ADSS2: variants seen among roughly 807,000 people sequenced by gnomAD.
The protein encoded by ADSS2 is adenylosuccinate synthetase isozyme 2.
Under a neutral mutation model 60.0 loss-of-function variants are expected in ADSS2, and 30 were observed. The observed-to-expected ratio is 0.50, with a 90% CI of 0.37 to 0.68. ADSS2 has a LOEUF of 0.68. Among genes scored for constraint, ADSS2 ranks in the 30% least tolerant of loss-of-function variants. The probability of loss-of-function intolerance (pLI) is 0.00; values close to 1 mark genes in which losing one functional copy is unlikely to be tolerated. For synonymous variants in ADSS2, 187 were observed against 193.1 expected, an observed-to-expected ratio of 0.97 and a Z score of 0.26; for missense variants, 373 against 554.8, an observed-to-expected ratio of 0.67 and a Z score of 3.29.
intron 10 of ADSS2, among the ~76,000 whole-genome samples, chr1:244,417,360 T>A (rs1290252516): frequency 6.6e-6 from 1 of 152,158 alleles, no homozygotes; most frequent in Non-Finnish European, 1.5e-5. Flanking sequence ...TCTGTCCACC[T>A]ATCTGCCTAC....
intron 1 of ADSS2, among the ~76,000 whole-genome samples, chr1:244,441,271 G>A (rs1480170076): frequency 6.6e-6 from 1 of 151,996 alleles, no homozygotes; most frequent in Non-Finnish European, 1.5e-5. Context: ...TGTTAGCCAG[G>A]ATGGTCTCGA....
In ADSS2 at chr1:244,444,514, C is replaced by CA. The variant is rs56001597; in HGVS notation, c.184-6747dup. Among the ~76,000 whole-genome samples the CA allele has an allele frequency of 3.0e-3, 126 of 42,504 alleles. 3 individuals are homozygous for CA. The highest frequency in any genetic ancestry group is 9.8e-3 in the East Asian group (24 of 2,460). The allele number at this position is 42,504 out of a possible 152,430, so 27.9% of individuals were successfully genotyped here. On this transcript the variant is annotated intron_variant, in intron 1 of 12. Coordinates refer to ENST00000366535, the MANE Select transcript of ADSS2 (RefSeq NM_001126.5). ...TGGGCGACAGAGCGAGACTCCATCT[C>CA]AAAAAAAAAAAAAAAAAAAAAAGAT...
chr1:244,436,689 T>C (rs918880883), intron 3 of ADSS2, 136 bp downstream of exon 3: 2 of 621,846 alleles, frequency 3.2e-6, no homozygotes, highest in Non-Finnish European at 5.6e-6. Flanking sequence ...TAAAACTTAA[T>C]AACTGACATT....
Position 244,411,284 on chromosome 1 carries a change from T to C in ADSS2, c.1318+3A>G. On this transcript the variant is annotated splice_donor_region_variant and intron_variant, in intron 12 of 12. Transcript: ENST00000366535. ...AACTTATTCACAAAGTGTTTATGTT[T>C]ACCTGGAATTTGAAGCTCATCTTCA... The C allele has an allele frequency of 6.2e-7, 1 of 1,603,376 alleles. No homozygotes were observed.
chr1:244,439,707 C>T (rs1665190680), intron 1 of ADSS2, among the ~76,000 whole-genome samples: 1 of 152,208 alleles, frequency 6.6e-6, no homozygotes, highest in Non-Finnish European at 1.5e-5. Flanking sequence ...AAGTCCAGCA[C>T]AACACCAGGA....
chr1:244,432,767 C>CCATT lies in ADSS2; in HGVS notation c.356-176_356-173dup, dbSNP rs1211541926. 2.0e-4 allele frequency among the ~76,000 whole-genome samples: 29 copies of CCATT among 147,832 alleles called. 1 individual carries two copies. On this transcript the variant is annotated intron_variant, in intron 3 of 12. Transcript: ENST00000366535. ...CAAGCTCCACCTCCCGGGTTCACTG[C>CCATT]CATTCTCCTGCCTCAGCCTCCCAAG...
At position 244,424,685 on chromosome 1, in the gene ADSS2, ACT is replaced by A. The variant is rs1363109625; in HGVS notation, c.407-300_407-299del. On this transcript the variant is annotated intron_variant, in intron 4 of 12. Transcript: ENST00000366535. ...TTAACAAAGGTCAATTTACAAAAAT[ACT>A]CTTTTTTCTTCAAGTTCTGGACTCC... 8 of 247,238 alleles carry A rather than the reference ACT, an allele frequency of 3.2e-5. No individual in the cohort carries two copies. In the East Asian group the frequency reaches 7.6e-4, roughly 24 times the overall value. 15.3% of individuals were successfully genotyped at this position (247,238 alleles called of 1,614,324 possible). A position where few individuals can be genotyped will look rare whatever the true frequency, so the allele number is the denominator to read the frequency against.
At chr1:244,424,246 C>T (rs1199749986) in intron 5 of ADSS2, 75 bp downstream of exon 5, 7 of 1,438,792 alleles carry the variant, frequency 4.9e-6, no homozygotes, top group East Asian at 2.3e-5. Context: ...TTTTCTTAAA[C>T]TTCTGGTCTA....
At chr1:244,415,550 A>G (rs3127454) in intron 11 of ADSS2, among the ~76,000 whole-genome samples, 128,388 of 152,162 alleles carry the variant, frequency 0.84, 54,231 homozygotes, top group Admixed American at 0.88. Flanking sequence ...TAGAATAAAG[A>G]GCAGAGAAAG....
At chr1:244,422,295 G>A (rs961620435) in intron 7 of ADSS2, among the ~76,000 whole-genome samples, 2 of 152,180 alleles carry the variant, frequency 1.3e-5, no homozygotes, top group Non-Finnish European at 2.9e-5. Context: ...AGAATGAAGA[G>A]GACAGGAATT....
At chr1:244,423,016 A>C (rs1036905023) in intron 6 of ADSS2, 100 bp from the exon 7 acceptor site, 17 of 730,092 alleles carry the variant, frequency 2.3e-5, no homozygotes, top group Admixed American at 8.8e-5. Flanking sequence ...AAATGATCTT[A>C]ACAGCAAATT....
intron 4 of ADSS2, among the ~76,000 whole-genome samples, chr1:244,425,483 G>T (rs7546490): frequency 6.6e-6 from 1 of 152,164 alleles, no homozygotes; most frequent in African/African-American, 2.4e-5. Context: ...ATCTGTAAAA[G>T]AACTATTTAG....
In ADSS2 at chr1:244,415,892, C is replaced by G. The variant is rs1229964450; in HGVS notation, c.1168+89G>C. On this transcript the variant is annotated intron_variant, in intron 11 of 12. Coordinates refer to ENST00000366535, the MANE Select transcript of ADSS2 (RefSeq NM_001126.5). Reference sequence around the variant, plus strand: ...AAGGGCATATCAAACCTGTCGCTATCTATCACAAATTATATGGAAGAGCTT... The same window carrying G: ...AAGGGCATATCAAACCTGTCGCTATGTATCACAAATTATATGGAAGAGCTT... 2.6e-5 allele frequency: 25 copies of G among 952,148 alleles called. No homozygotes were observed. In the Admixed American group the frequency reaches 6.3e-4, roughly 24 times the overall value. The allele number at this position is 952,148 out of a possible 1,614,324, so 59.0% of individuals were successfully genotyped here.
At chr1:244,445,382 ATACTT>A (rs1178076214) in intron 1 of ADSS2, among the ~76,000 whole-genome samples, 5 of 152,252 alleles carry the variant, frequency 3.3e-5, no homozygotes, top group African/African-American at 1.2e-4. Flanking sequence ...GTCAAGGACA[ATACTT>A]TAAAGCATTA....
intron 11 of ADSS2, among the ~76,000 whole-genome samples, chr1:244,412,965 C>T (rs1664447517): frequency 6.6e-6 from 1 of 152,210 alleles, no homozygotes; most frequent in Non-Finnish European, 1.5e-5. Context: ...CCTTCCCCCT[C>T]CTGGCCAGTA....
In ADSS2 at chr1:244,423,508, A is replaced by C. The variant is rs549672714; in HGVS notation, c.581+445T>G. Reference sequence around the variant, plus strand: ...TACAGAAAGCATGTGTTAACGTAGCATCTGTTGATTTCAAGTTGAGCTTGG... The same window carrying C: ...TACAGAAAGCATGTGTTAACGTAGCCTCTGTTGATTTCAAGTTGAGCTTGG... On this transcript the variant is annotated intron_variant, in intron 6 of 12. Coordinates refer to ENST00000366535, the MANE Select transcript of ADSS2 (RefSeq NM_001126.5). 3.2e-4 allele frequency among the ~76,000 whole-genome samples: 48 copies of C among 152,324 alleles called. No homozygotes were observed. The South Asian group carries it at 9.5e-3, about 30-fold the overall frequency.
rs1331481989 is a variant in ADSS2, at chr1:244,409,419, AAGTTAATCTCCAC to A, written c.*154_*166del. ...AGAAAGCTGACACTGGAATATGCCA[AAGTTAATCTCCAC>A]AGTAGGCATCCATCTGAAAAGACTG... On this transcript the variant is annotated 3_prime_UTR_variant, in exon 13 of 13. Transcript: ENST00000366535. 3 of 501,436 alleles carry A rather than the reference AAGTTAATCTCCAC, an allele frequency of 6.0e-6. No homozygotes were observed. Among genetic ancestry groups the A allele is most frequent in the African/African-American group, 4.0e-5 (2 of 50,018 alleles). 31.1% of individuals were successfully genotyped at this position (501,436 alleles called of 1,614,324 possible). A position where few individuals can be genotyped will look rare whatever the true frequency, so the allele number is the denominator to read the frequency against.
Position 244,424,067 on chromosome 1 carries a change from A to C in ADSS2, c.474-7T>G. The C allele has an allele frequency of 6.2e-6, 10 of 1,603,872 alleles. No homozygotes were observed. Among genetic ancestry groups the C allele is most frequent in the Non-Finnish European group, 8.5e-6 (10 of 1,174,528 alleles). On this transcript the variant is annotated splice_region_variant and splice_polypyrimidine_tract_variant and intron_variant, in intron 5 of 12. Transcript: ENST00000366535. ...CTTTTTTGTTGTACCCAAACTTAAA[A>C]ACAAATCCAAACAAGCTTTAAGTCA...
chr1:244,422,176 T>A (rs1005766835), intron 7 of ADSS2, among the ~76,000 whole-genome samples: 15 of 152,194 alleles, frequency 9.9e-5, no homozygotes, highest in African/African-American at 3.6e-4. Flanking sequence ...GTTTGTAGAT[T>A]CCTACTTAGT....
Sources: gnomAD v4.1 joint callset for allele counts (sites outside exome capture counted in the v4.1 genomes callset) on GRCh38, gnomAD v4.1.1 for gene constraint, MANE v1.5 for transcripts, NCBI Gene and HGNC (gene_info 2026-07-23, HGNC 2026-07-21) for gene names.